Variants in OCA2 observed in about 807,000 individuals in gnomAD.
OCA2 encodes the protein OCA2 melanosomal transmembrane protein.
In OCA2, 77 loss-of-function variants were observed where a neutral mutation model predicts 100.2. That is an observed-to-expected ratio of 0.77 (90% CI 0.64 to 0.93). The LOEUF is 0.93. OCA2 is among the 40% of genes least tolerant of loss of function. OCA2 has a pLI of 0.00. For missense variants in OCA2, 1,062 were observed against 1,089.1 expected (o/e 0.98, Z 0.35); for synonymous variants, 432 against 439.2 (o/e 0.98, Z 0.21).
intron 19 of OCA2, among the ~76,000 whole-genome samples, chr15:27,878,102 A>G (rs111328410): frequency 0.016 from 2,394 of 152,104 alleles, 56 homozygotes; most frequent in African/African-American, 0.05. Context: ...CAAGTGAAAT[A>G]TACAAGCCTT....
chr15:27,936,841 G>A lies in OCA2; in HGVS notation c.1952-10587C>T, dbSNP rs115818475. 9.7e-3 allele frequency among the ~76,000 whole-genome samples: 1,484 copies of A among 152,302 alleles called. 31 individuals carry two copies. The highest frequency in any genetic ancestry group is 0.034 in the African/African-American group (1,433 of 41,562). On this transcript the variant is annotated intron_variant, in intron 18 of 23. Coordinates refer to ENST00000354638, the MANE Select transcript of OCA2 (RefSeq NM_000275.3). ...CCATTCAACACCTGGAAGCTTCTGC[G>A]TGGTTTCCAATCTGGCTTAGGAAAT...
chr15:28,056,892 C>A (rs1468609213), intron 2 of OCA2, among the ~76,000 whole-genome samples: 1 of 152,238 alleles, frequency 6.6e-6, no homozygotes, highest in Admixed American at 6.5e-5. Flanking sequence ...GGACATAGGC[C>A]AGTGGGGTGG....
At chr15:27,781,430 AG>A (rs1174216839) in intron 23 of OCA2, among the ~76,000 whole-genome samples, 2 of 152,190 alleles carry the variant, frequency 1.3e-5, no homozygotes, top group African/African-American at 4.8e-5. Flanking sequence ...ACCACACAGC[AG>A]GGTGGACACT....
At chr15:27,960,306 C>T (rs146823019) in intron 15 of OCA2, among the ~76,000 whole-genome samples, 2 of 152,202 alleles carry the variant, frequency 1.3e-5, no homozygotes, top group African/African-American at 2.4e-5. Context: ...GTGTTTGATG[C>T]TAAAGGATAA....
intron 2 of OCA2, among the ~76,000 whole-genome samples, chr15:28,061,006 T>G (rs575360587): frequency 4.1e-4 from 63 of 152,282 alleles, no homozygotes; most frequent in African/African-American, 1.4e-3. Flanking sequence ...ACATCACAGC[T>G]TCCTGAGGCA....
intron 21 of OCA2, among the ~76,000 whole-genome samples, chr15:27,856,974 C>T (rs1240725856): frequency 2.0e-5 from 3 of 152,158 alleles, no homozygotes; most frequent in Non-Finnish European, 4.4e-5. Flanking sequence ...AAGAAGATTA[C>T]ACAACATACA....
chr15:27,735,516 G>A, the OCA2 span, among the ~76,000 whole-genome samples: 1 of 152,054 alleles, frequency 6.6e-6, no homozygotes, highest in African/African-American at 2.4e-5. Flanking sequence ...GAAGGTCAAA[G>A]ATCTCCAATT....
At chr15:27,863,296 G>A (rs1014894851) in intron 21 of OCA2, among the ~76,000 whole-genome samples, 1 of 152,198 alleles carries the variant, frequency 6.6e-6, no homozygotes, top group East Asian at 1.9e-4. Context: ...TGGTAAAGGT[G>A]TACAAGTGCC....
chr15:27,838,277 C>T (rs1018105), intron 23 of OCA2, among the ~76,000 whole-genome samples: 114,079 of 152,050 alleles, frequency 0.75, 43,371 homozygotes, highest in East Asian at 1. Flanking sequence ...CAAAGAAAAA[C>T]ACCAAATCAT....
chr15:27,960,756 T>C (rs558352364), intron 15 of OCA2, among the ~76,000 whole-genome samples: 14 of 151,920 alleles, frequency 9.2e-5, no homozygotes, highest in Non-Finnish European at 1.5e-4. Flanking sequence ...TACAAAAAAT[T>C]AGCTGGGCAT....
At chr15:28,009,489 AC>A (rs2042178527) in intron 9 of OCA2, among the ~76,000 whole-genome samples, 2 of 152,136 alleles carry the variant, frequency 1.3e-5, no homozygotes, top group Non-Finnish European at 1.5e-5. Context: ...GGAGTTCATG[AC>A]CAGCCTGGCC....
At chr15:28,044,401 C>T (rs1595873387) in intron 2 of OCA2, among the ~76,000 whole-genome samples, 1 of 152,288 alleles carries the variant, frequency 6.6e-6, no homozygotes, top group South Asian at 2.1e-4. Context: ...TTCCTGGATA[C>T]TTATCCAGGA....
chr15:27,949,702 A>G (rs1014843279), intron 18 of OCA2, among the ~76,000 whole-genome samples: 2 of 152,218 alleles, frequency 1.3e-5, no homozygotes, highest in Non-Finnish European at 2.9e-5. Context: ...TAAAAAAATT[A>G]AAAAGAAAAC....
chr15:27,907,113 T>C (rs927244872), intron 19 of OCA2, among the ~76,000 whole-genome samples: 5 of 152,122 alleles, frequency 3.3e-5, no homozygotes, highest in Admixed American at 1.3e-4. Flanking sequence ...AATTTCAACA[T>C]AAGGTTTGAA....
In OCA2 at chr15:28,072,356, G is replaced by A. The variant is rs574917895; in HGVS notation, c.227+9292C>T. ...TGTAATCCCAGCACTTTGGGGGGCC[G>A]AGGCGGGAGGATCACACAGTCAGGA... On this transcript the variant is annotated intron_variant, in intron 2 of 23. Transcript: ENST00000354638. Among the ~76,000 whole-genome samples, 8 of 152,270 alleles carry A rather than the reference G, an allele frequency of 5.3e-5. No individual in the cohort carries two copies. The East Asian group carries it at 5.8e-4, about 11-fold the overall frequency.
chr15:27,824,602 C>CTATA lies in OCA2; in HGVS notation c.2432+20353_2432+20356dup, dbSNP rs142689690. 3.6e-4 allele frequency among the ~76,000 whole-genome samples: 17 copies of CTATA among 47,594 alleles called. 3 individuals carry two copies. The highest frequency in any genetic ancestry group is 1.9e-3 in the African/African-American group (12 of 6,324). The allele number at this position is 47,594 out of a possible 152,430, so 31.2% of individuals were successfully genotyped here. A position where few individuals can be genotyped will look rare whatever the true frequency, so the allele number is the denominator to read the frequency against. On this transcript the variant is annotated intron_variant, in intron 23 of 23. Coordinates refer to ENST00000354638, the MANE Select transcript of OCA2 (RefSeq NM_000275.3). The stretch of plus-strand genomic sequence containing the variant: ...TTTCTCTCTCTCTCTCTCTCTCTCT[C>CTATA]TATATATATATATATATATAATATA...
At chr15:27,785,789 A>T (rs1482487481) in intron 23 of OCA2, among the ~76,000 whole-genome samples, 1 of 152,152 alleles carries the variant, frequency 6.6e-6, no homozygotes, top group Non-Finnish European at 1.5e-5. Flanking sequence ...ATCATTGTAC[A>T]CCCATGTTCC....
In OCA2 at chr15:27,970,304, AC is replaced by A. The variant is rs765496827; in HGVS notation, c.1504-3483del. Among the ~76,000 whole-genome samples, 671 of 145,794 alleles carry A rather than the reference AC, an allele frequency of 4.6e-3. 2 individuals are homozygous for A. Among genetic ancestry groups the A allele is most frequent in the Non-Finnish European group, 7.3e-3 (471 of 64,504 alleles). On this transcript the variant is annotated intron_variant, in intron 14 of 23. Transcript: ENST00000354638. ...TGGAAACCAACAAACCAAAAAAAAAACCCCATAAAGGAAATTCAGAGGGGGC... is the reference window on the plus strand; with the variant it reads ...TGGAAACCAACAAACCAAAAAAAAAACCCATAAAGGAAATTCAGAGGGGGC...
chr15:28,001,254 T>C (rs901352566), intron 9 of OCA2, among the ~76,000 whole-genome samples: 48 of 151,682 alleles, frequency 3.2e-4, no homozygotes, highest in African/African-American at 1.1e-3. Context: ...TTCATATACA[T>C]ACAAACACAC....
Sources: allele counts gnomAD v4.1 joint callset (sites outside exome capture counted in the v4.1 genomes callset), GRCh38; gene constraint gnomAD v4.1.1; transcripts MANE v1.5; gene names NCBI Gene and HGNC (gene_info 2026-07-23, HGNC 2026-07-21).